PPFIBP1: variants seen among roughly 807,000 people sequenced by gnomAD.
PPFIBP1 encodes liprin-beta-1.
PPFIBP1 carries 112 observed loss-of-function variants against 137.8 expected under a neutral mutation model. The observed-to-expected ratio is 0.81, with a 90% CI of 0.70 to 0.95. The LOEUF (loss-of-function observed/expected upper bound fraction) is 0.95. PPFIBP1 is among the 40% of genes least tolerant of loss of function. PPFIBP1 has a pLI of 0.00. For missense variants in PPFIBP1, 1,083 were observed against 1,196.6 expected (o/e 0.91, Z 1.40); for synonymous variants, 378 against 417.3 (o/e 0.91, Z 1.15).
At chr12:27,639,753 T>G (rs1295283618) in intron 4 of PPFIBP1, among the ~76,000 whole-genome samples, 2 of 152,218 alleles carry the variant, frequency 1.3e-5, no homozygotes, top group East Asian at 3.8e-4. Flanking sequence ...ACATTAAAAG[T>G]GAGATAATAT....
At chr12:27,666,514 G>C (rs1457881189) in intron 12 of PPFIBP1, among the ~76,000 whole-genome samples, 1 of 152,124 alleles carries the variant, frequency 6.6e-6, no homozygotes, top group Non-Finnish European at 1.5e-5. Flanking sequence ...TTTTAAAAAA[G>C]AATATCTGGC....
chr12:27,674,159 A>G, intron 16 of PPFIBP1, 33 bp from the exon 17 acceptor site: 1 of 1,551,572 alleles, frequency 6.4e-7, no homozygotes, highest in Non-Finnish European at 8.8e-7. Context: ...GGATTTCCCT[A>G]ACAACCTTAA....
intron 21 of PPFIBP1, 116 bp from the exon 22 acceptor site, chr12:27,681,430 A>G (rs901112888): frequency 3.3e-5 from 40 of 1,211,478 alleles, no homozygotes; most frequent in Non-Finnish European, 1.2e-6. Flanking sequence ...TTCATGGTCA[A>G]ATGTGTATCA....
intron 19 of PPFIBP1, chr12:27,677,934 G>A (rs774349173): frequency 6.6e-6 from 1 of 152,134 alleles, no homozygotes; most frequent in Admixed American, 6.5e-5. Context: ...TCTCTCTATC[G>A]ATATAAATGT....
chr12:27,606,931 T>C (rs1010107281), intron 2 of PPFIBP1, among the ~76,000 whole-genome samples: 2 of 152,196 alleles, frequency 1.3e-5, no homozygotes, highest in African/African-American at 2.4e-5. Context: ...ATTTTATATA[T>C]AGCAATGAAA....
intron 8 of PPFIBP1, chr12:27,655,220 A>G (rs1447723996): frequency 2.0e-6 from 3 of 1,531,498 alleles, no homozygotes; most frequent in Non-Finnish European, 2.6e-6. Context: ...TGGAACAAAA[A>G]TGGGAGTCAC....
chr12:27,540,064 ATTT>A (rs147575484), intron 1 of PPFIBP1, among the ~76,000 whole-genome samples: 1 of 144,516 alleles, frequency 6.9e-6, no homozygotes. Context: ...CCTATTTTCA[ATTT>A]TTTTTTTTTT....
intron 7 of PPFIBP1, among the ~76,000 whole-genome samples, chr12:27,651,129 T>C (rs1324479611): frequency 1.3e-5 from 2 of 152,230 alleles, no homozygotes; most frequent in Non-Finnish European, 2.9e-5. Context: ...GAAAGTTCTT[T>C]ATATTGGAAA....
intron 1 of PPFIBP1, among the ~76,000 whole-genome samples, chr12:27,551,862 A>T (rs1295459483): frequency 1.3e-5 from 2 of 152,252 alleles, no homozygotes; most frequent in African/African-American, 4.8e-5. Context: ...TCCTGTCATT[A>T]AAAATAAATT....
chr12:27,529,045 G>A (rs1944105200), intron 1 of PPFIBP1, among the ~76,000 whole-genome samples: 1 of 152,146 alleles, frequency 6.6e-6, no homozygotes, highest in Admixed American at 6.5e-5. Context: ...TTATGTACAG[G>A]GGTGCACCTA....
rs1479480579 is a variant in PPFIBP1 at position 27,650,047 on chromosome 12, T to C, written c.509T>C (p.Leu170Ser). 1.9e-6 allele frequency: 3 copies of C among 1,601,576 alleles called. No homozygotes were observed. Among genetic ancestry groups the C allele is most frequent in the Non-Finnish European group, 2.6e-6 (3 of 1,168,708 alleles). The change falls in exon 7 of 30, where the codon TTG becomes TCG. Residue 170 changes from leucine to serine, a missense_variant. Physicochemically the swap from Leu to Ser is moderately radical, Grantham distance 145. Coordinates refer to ENST00000228425, the MANE Select transcript of PPFIBP1 (RefSeq NM_003622.4). Reference protein sequence around the residue: ...LSRTSLETQKLDLMAEISNLK... With the variant: ...LSRTSLETQKSDLMAEISNLK... ...AGGACATCCTTAGAAACTCAGAAGT[T>C]GGATCTGATGGCTGAAATATCTAAC... is the stretch of plus-strand genomic sequence containing the variant.
intron 2 of PPFIBP1, among the ~76,000 whole-genome samples, chr12:27,615,103 C>T (rs2055596969): frequency 6.6e-6 from 1 of 152,172 alleles, no homozygotes; most frequent in South Asian, 2.1e-4. Flanking sequence ...GGGTTCTGAG[C>T]TTGGGCTGCT....
intron 2 of PPFIBP1, among the ~76,000 whole-genome samples, chr12:27,593,128 T>C (rs1280067531): frequency 6.0e-3 from 98 of 16,370 alleles, no homozygotes; most frequent in African/African-American, 0.019. Context: ...AAAGAATGTC[T>C]CAAAAAAAAA....
chr12:27,689,243 A>G (rs1012095006), intron 27 of PPFIBP1, 40 bp downstream of exon 27: 1 of 1,496,518 alleles, frequency 6.7e-7, no homozygotes, highest in Non-Finnish European at 8.9e-7. Context: ...TGCTTGGCGC[A>G]AAGGCAACGT....
intron 1 of PPFIBP1, among the ~76,000 whole-genome samples, chr12:27,531,990 G>A (rs926722233): frequency 5.9e-5 from 9 of 152,094 alleles, no homozygotes; most frequent in Non-Finnish European, 1.3e-4. Context: ...GTGTGATTTT[G>A]GTTAAGTCTT....
chr12:27,601,218 C>T (rs2053949719), intron 2 of PPFIBP1, among the ~76,000 whole-genome samples: 1 of 152,190 alleles, frequency 6.6e-6, no homozygotes, highest in African/African-American at 2.4e-5. Flanking sequence ...AAGTGATGCT[C>T]CTCAGAAAGA....
intron 2 of PPFIBP1, among the ~76,000 whole-genome samples, chr12:27,584,990 T>C (rs2051561896): frequency 1.3e-5 from 2 of 152,202 alleles, no homozygotes; most frequent in African/African-American, 4.8e-5. Flanking sequence ...CCTAGATATA[T>C]CATTTCCTGC....
At chr12:27,678,293 A>G (rs1177481084) in intron 19 of PPFIBP1, among the ~76,000 whole-genome samples, 1 of 152,234 alleles carries the variant, frequency 6.6e-6, no homozygotes, top group Non-Finnish European at 1.5e-5. Flanking sequence ...GAGATCTGAG[A>G]GTGGCAACTG....
chr12:27,601,513 C>T (rs1188126364), intron 2 of PPFIBP1, among the ~76,000 whole-genome samples: 1 of 152,186 alleles, frequency 6.6e-6, no homozygotes, highest in African/African-American at 2.4e-5. Flanking sequence ...CCAAAGGCTA[C>T]ACACTCTGCT....
Sources: allele counts gnomAD v4.1 joint callset (sites outside exome capture counted in the v4.1 genomes callset), GRCh38; gene constraint gnomAD v4.1.1; transcripts MANE v1.5; gene names NCBI Gene and HGNC (gene_info 2026-07-23, HGNC 2026-07-21).